The following PCDHGA4 variants were observed in gnomAD, a reference collection of about 807,000 sequenced individuals.
PCDHGA4 encodes the protein protocadherin gamma-A4.
A neutral mutation model predicts 54.6 loss-of-function variants in PCDHGA4; 38 were observed. That is an observed-to-expected ratio of 0.70 (90% CI 0.54 to 0.91). PCDHGA4 has a LOEUF of 0.91. Among genes scored for constraint, PCDHGA4 ranks in the 40% least tolerant of loss-of-function variants. PCDHGA4 has a pLI of 0.00. For synonymous variants in PCDHGA4, 511 were observed against 512.9 expected, an observed-to-expected ratio of 1.00 and a Z score of 0.05; for missense variants, 1,298 against 1,220.9, an observed-to-expected ratio of 1.06 and a Z score of -0.94.
rs776132438 is a variant in PCDHGA4 at position 141,432,197 on chromosome 5, G to A, written c.2515-62610G>A. The A allele has an allele frequency of 2.5e-6, 4 of 1,614,112 alleles. No individual in the cohort carries two copies. The South Asian group carries it at 3.3e-5, about 13-fold the overall frequency. The stretch of plus-strand genomic sequence containing the variant: ...CGTCTCTGTGACCGCCCACGACCCC[G>A]ACTGTGAAGAGAACGCCCAGATCAC... On this transcript the variant is annotated intron_variant, in intron 1 of 3. Coordinates refer to ENST00000571252, the MANE Select transcript of PCDHGA4 (RefSeq NM_018917.4). The surrounding 1 kb of genome is among the most constrained non-coding windows in gnomAD (Gnocchi z 6.0).
At chr5:141,384,677 C>A in intron 1 of PCDHGA4, 3 of 1,614,188 alleles carry the variant, frequency 1.9e-6, no homozygotes, top group Non-Finnish European at 2.5e-6. Context: ...AAGGTGGTGG[C>A]GGTGGACAAA....
At chr5:141,359,801 T>A (rs1761323974) in intron 1 of PCDHGA4, among the ~76,000 whole-genome samples, 1 of 152,190 alleles carries the variant, frequency 6.6e-6, no homozygotes, top group Non-Finnish European at 1.5e-5. Context: ...TCTTTTGAAT[T>A]TGGAACTATA....
rs1431983846 is a variant in PCDHGA4 at position 141,355,185 on chromosome 5, C to G, written c.78C>G (p.Leu26=). The G allele has an allele frequency of 6.3e-7, 1 of 1,588,764 alleles. No homozygotes were observed. Reference sequence around the variant, plus strand: ...AGGGAAAACCGAAGCACAGGCGACTCCGCGGCGGGGTTGTAATGGCGGCGC... The same window carrying G: ...AGGGAAAACCGAAGCACAGGCGACTGCGCGGCGGGGTTGTAATGGCGGCGC... ...STEGKPKHRR[L]RGGVVMAAPP... Residue 26 remains leucine, a synonymous_variant, in exon 1 of 4, where the codon CTC becomes CTG. Transcript: ENST00000571252.
At chr5:141,387,829 G>A (rs2091112194) in intron 1 of PCDHGA4, 1 of 1,591,650 alleles carries the variant, frequency 6.3e-7, no homozygotes, top group African/African-American at 1.3e-5. Flanking sequence ...CAATACAGAG[G>A]TTATTTGTAA....
chr5:141,370,717 T>C, intron 1 of PCDHGA4: 4 of 1,613,822 alleles, frequency 2.5e-6, no homozygotes, highest in Non-Finnish European at 3.4e-6. Flanking sequence ...GAATTTGAAA[T>C]GGTTGCTGAA....
chr5:141,501,300 C>T (rs867143352), intron 2 of PCDHGA4, among the ~76,000 whole-genome samples: 2,626 of 150,646 alleles, frequency 0.017, 74 homozygotes, highest in African/African-American at 0.06. Context: ...TACACACACA[C>T]ACACACACAC....
chr5:141,366,281 C>A, intron 1 of PCDHGA4: 1 of 1,613,726 alleles, frequency 6.2e-7, no homozygotes, highest in Non-Finnish European at 8.5e-7. Flanking sequence ...AGACCATGGC[C>A]AGCCCCCTCT....
intron 1 of PCDHGA4, among the ~76,000 whole-genome samples, chr5:141,484,045 G>A (rs934525987): frequency 7.9e-5 from 12 of 152,026 alleles, no homozygotes; most frequent in African/African-American, 2.9e-4. Context: ...AGCTCCAAGA[G>A]GTCCCCTGGG....
chr5:141,397,284 C>G (rs185201660), intron 1 of PCDHGA4, among the ~76,000 whole-genome samples: 47 of 152,188 alleles, frequency 3.1e-4, no homozygotes, highest in African/African-American at 1.1e-3. Context: ...GGGCAGTATA[C>G]TTGAATGAAT....
chr5:141,404,586 A>G, intron 1 of PCDHGA4: 1 of 1,614,008 alleles, frequency 6.2e-7, no homozygotes, highest in Non-Finnish European at 8.5e-7. Context: ...CTTAGCAGCA[A>G]TGTGTCATTG....
At position 141,476,902 on chromosome 5, in the gene PCDHGA4, C is replaced by T. The variant is rs1399250599; in HGVS notation, c.2515-17905C>T. ...TGGAGGATGCACCCTCCGGCACGCG[C>T]GTGGTACAAGTCCTTGCAACGGATC... On this transcript the variant is annotated intron_variant, in intron 1 of 3. Transcript: ENST00000571252. This position sits in a 1 kb window ranked among gnomAD's most constrained non-coding sequence, Gnocchi z 7.6. 2 of 1,613,998 alleles carry T rather than the reference C, an allele frequency of 1.2e-6. No individual in the cohort carries two copies. The highest frequency in any genetic ancestry group is 1.7e-6 in the Non-Finnish European group (2 of 1,180,034).
intron 1 of PCDHGA4, chr5:141,372,254 C>G: frequency 6.2e-7 from 1 of 1,613,086 alleles, no homozygotes; most frequent in Non-Finnish European, 8.5e-7. Context: ...TCAGCCTGGG[C>G]CTGCGCACGG....
rs1404533394 is a variant in PCDHGA4, at chr5:141,491,708, G to T, written c.2515-3099G>T. ...CTGCGGGAGCGGAGCCAGGTGAGGG[G>T]CTCGGCGCCGCCCCGGGCGACCCCT... On this transcript the variant is annotated intron_variant, in intron 1 of 3. Transcript: ENST00000571252. The surrounding 1 kb of genome is among the most constrained non-coding windows in gnomAD (Gnocchi z 6.9). 1 of 1,610,132 alleles carries T rather than the reference G, an allele frequency of 6.2e-7. No individual in the cohort carries two copies. Among genetic ancestry groups the T allele is most frequent in the Admixed American group, 1.7e-5 (1 of 59,518 alleles).
intron 1 of PCDHGA4, chr5:141,374,655 A>T (rs1490179096): frequency 2.2e-5 from 36 of 1,611,798 alleles, no homozygotes; most frequent in Non-Finnish European, 3.1e-5. Flanking sequence ...GGGCCCAAGT[A>T]CCCGGAGCTG....
intron 1 of PCDHGA4, chr5:141,388,948 T>C (rs751779962): frequency 7.4e-6 from 12 of 1,613,904 alleles, no homozygotes; most frequent in Admixed American, 1.7e-5. Context: ...AACCTAATTA[T>C]GGAGGACGCC....
chr5:141,482,470 C>T (rs768383368), intron 1 of PCDHGA4, among the ~76,000 whole-genome samples: 8 of 137,876 alleles, frequency 5.8e-5, no homozygotes, highest in Non-Finnish European at 1.2e-4. Flanking sequence ...ATGTGCCAGA[C>T]ACTGTAAACA....
intron 1 of PCDHGA4, chr5:141,416,339 A>T (rs2096016775): frequency 6.6e-6 from 1 of 152,218 alleles, no homozygotes; most frequent in African/African-American, 2.4e-5. Context: ...TCATTGCTCA[A>T]TAGGGATCCT....
At chr5:141,366,166 C>T (rs764048783) in intron 1 of PCDHGA4, 1 of 1,614,076 alleles carries the variant, frequency 6.2e-7, no homozygotes. Flanking sequence ...TTAAGGCCAG[C>T]GAGCCAGGAC....
chr5:141,395,080 A>G, intron 1 of PCDHGA4: 1 of 1,614,088 alleles, frequency 6.2e-7, no homozygotes, highest in Non-Finnish European at 8.5e-7. Flanking sequence ...TATTCCCAGG[A>G]AGTCTCCCTC....
Sources: gnomAD v4.1 joint callset for allele counts (sites outside exome capture counted in the v4.1 genomes callset) on GRCh38, gnomAD v4.1.1 for gene constraint, Gnocchi (gnomAD v3.1) non-coding constraint, MANE v1.5 for transcripts, NCBI Gene and HGNC (gene_info 2026-07-23, HGNC 2026-07-21) for gene names.